GPC3: variants seen among roughly 807,000 people sequenced by gnomAD.
GPC3 encodes the protein glypican-3.
In GPC3, 3 loss-of-function variants were observed where a neutral mutation model predicts 34.4. That is an observed-to-expected ratio of 0.09 (90% CI 0.04 to 0.23). GPC3 has a LOEUF of 0.23. Ranked by LOEUF, GPC3 falls within the 10% of genes least tolerant of loss-of-function variation. The pLI is 1.00. For missense variants in GPC3, 351 were observed against 445.6 expected (o/e 0.79, Z 1.91); for synonymous variants, 177 against 174.0 (o/e 1.02, Z -0.13).
At chrX:133,763,106 C>T (rs1308245563) in intron 2 of GPC3, 70 of 667,779 alleles carry the variant, frequency 1.0e-4, no homozygotes, top group Non-Finnish European at 1.6e-4. Context: ...GGCCGCTTCA[C>T]TCCTGGAATC....
intron 2 of GPC3, among the ~76,000 whole-genome samples, chrX:133,896,070 A>G (rs2076110903): frequency 8.9e-6 from 1 of 112,136 alleles, no homozygotes; most frequent in Admixed American, 9.5e-5. Context: ...CCCTAGAAAG[A>G]AAATGTCAAG....
chrX:133,697,945 C>A (rs2071131991), intron 4 of GPC3, among the ~76,000 whole-genome samples: 1 of 111,560 alleles, frequency 9.0e-6, no homozygotes, highest in Non-Finnish European at 1.9e-5. Flanking sequence ...GGAGGGGGAG[C>A]ACAGGAAGGA....
At chrX:133,882,924 C>A (rs1266621508) in intron 2 of GPC3, among the ~76,000 whole-genome samples, 1 of 111,093 alleles carries the variant, frequency 9.0e-6, no homozygotes, top group Non-Finnish European at 1.9e-5. Flanking sequence ...CTTTCCCTTC[C>A]CCAGATGGCC....
At chrX:133,813,300 A>G (rs1163377063) in intron 2 of GPC3, among the ~76,000 whole-genome samples, 1 of 112,548 alleles carries the variant, frequency 8.9e-6, no homozygotes, top group Non-Finnish European at 1.9e-5. Context: ...TCCAAGAAAC[A>G]AGAGTTGTCG....
chrX:133,834,872 A>C (rs1368913260), intron 2 of GPC3, among the ~76,000 whole-genome samples: 3 of 111,848 alleles, frequency 2.7e-5, no homozygotes, highest in Non-Finnish European at 5.6e-5. Flanking sequence ...TATCAGGATA[A>C]AATTTGTCTG....
chrX:133,752,501 G>A (rs2071675963), intron 3 of GPC3, among the ~76,000 whole-genome samples: 1 of 111,580 alleles, frequency 9.0e-6, no homozygotes, highest in Non-Finnish European at 1.9e-5. Flanking sequence ...CTCAACAATG[G>A]TAGTGTAATA....
intron 6 of GPC3, among the ~76,000 whole-genome samples, chrX:133,655,593 A>G (rs917241752): frequency 9.0e-6 from 1 of 111,417 alleles, no homozygotes; most frequent in Non-Finnish European, 1.9e-5. Context: ...GTGAACAAGT[A>G]AGACAGACAC....
At chrX:133,710,213 T>G (rs1454894925) in intron 3 of GPC3, among the ~76,000 whole-genome samples, 1 of 112,301 alleles carries the variant, frequency 8.9e-6, no homozygotes, top group East Asian at 2.8e-4. Flanking sequence ...ATCAGCCTGC[T>G]GCTAAATTGA....
intron 3 of GPC3, among the ~76,000 whole-genome samples, chrX:133,701,515 A>G (rs943022920): frequency 2.7e-5 from 3 of 112,504 alleles, no homozygotes; most frequent in African/African-American, 9.7e-5. Context: ...CCAGTCCTCA[A>G]AAACATAGCC....
chrX:133,616,930 C>A (rs147663904), intron 6 of GPC3, among the ~76,000 whole-genome samples: 6,686 of 110,100 alleles, frequency 0.061, 528 homozygotes, highest in African/African-American at 0.21. Context: ...GATCTCCTGA[C>A]CTCGTGATCC....
chrX:133,922,237 G>A (rs1049978948), intron 2 of GPC3, among the ~76,000 whole-genome samples: 6 of 112,272 alleles, frequency 5.3e-5, no homozygotes, highest in African/African-American at 1.9e-4. Flanking sequence ...AAAGGAGGAA[G>A]AAAGACTGGT....
At chrX:133,875,490 A>G (rs1168468899) in intron 2 of GPC3, among the ~76,000 whole-genome samples, 1 of 111,673 alleles carries the variant, frequency 9.0e-6, no homozygotes, top group Non-Finnish European at 1.9e-5. Context: ...ATTTCCTTTA[A>G]GGAATCTTTT....
intron 2 of GPC3, among the ~76,000 whole-genome samples, chrX:133,833,857 GCTGTACA>G (rs2075787868): frequency 9.0e-6 from 1 of 111,711 alleles, no homozygotes; most frequent in African/African-American, 3.3e-5. Flanking sequence ...ACCACCTAAA[GCTGTACA>G]CTCTCTGTGT....
chrX:133,705,146 C>T (rs1387308749), intron 3 of GPC3, among the ~76,000 whole-genome samples: 2 of 112,219 alleles, frequency 1.8e-5, no homozygotes, highest in East Asian at 5.6e-4. Flanking sequence ...TCTCCATTCT[C>T]TTCACTCAGT....
chrX:133,623,409 A>G, intron 6 of GPC3, among the ~76,000 whole-genome samples: 1 of 112,012 alleles, frequency 8.9e-6, no homozygotes, highest in African/African-American at 3.2e-5. Flanking sequence ...TGTATTCAGG[A>G]GACCCATCTC....
At chrX:133,775,052 T>C (rs2071964490) in intron 2 of GPC3, among the ~76,000 whole-genome samples, 1 of 111,824 alleles carries the variant, frequency 8.9e-6, no homozygotes, top group Non-Finnish European at 1.9e-5. Context: ...CAGGCTACTG[T>C]CTGGCCTTTT....
At chrX:133,915,314 C>T in intron 2 of GPC3, among the ~76,000 whole-genome samples, 1 of 110,129 alleles carries the variant, frequency 9.1e-6, no homozygotes, top group Non-Finnish European at 1.9e-5. Flanking sequence ...GCTAGGATTA[C>T]AGGCACCCAC....
chrX:133,668,150 G>T (rs189017711), intron 5 of GPC3, among the ~76,000 whole-genome samples: 2 of 109,956 alleles, frequency 1.8e-5, no homozygotes, highest in African/African-American at 6.6e-5. Context: ...TGATCCGCCC[G>T]CCCACCTCGG....
At chrX:133,820,474 C>T (rs1260157004) in intron 2 of GPC3, among the ~76,000 whole-genome samples, 1 of 111,509 alleles carries the variant, frequency 9.0e-6, no homozygotes, top group Non-Finnish European at 1.9e-5. Context: ...CATGCTGGGA[C>T]TTTGAGTGGC....
Sources: gnomAD v4.1 joint callset for allele counts (sites outside exome capture counted in the v4.1 genomes callset) on GRCh38, gnomAD v4.1.1 for gene constraint, MANE v1.5 for transcripts, NCBI Gene and HGNC (gene_info 2026-07-23, HGNC 2026-07-21) for gene names.